Variants in SH3PXD2A observed in about 807,000 individuals in gnomAD.
SH3PXD2A encodes SH3 and PX domains 2A.
A neutral mutation model predicts 115.2 loss-of-function variants in SH3PXD2A; 32 were observed. That is an observed-to-expected ratio of 0.28 (90% CI 0.21 to 0.37). SH3PXD2A has a LOEUF of 0.37. SH3PXD2A is among the 10% of genes least tolerant of loss of function. The pLI is 1.00. For missense variants in SH3PXD2A, 1,328 were observed against 1,498.7 expected (o/e 0.89, Z 1.88); for synonymous variants, 610 against 629.1 (o/e 0.97, Z 0.45).
intron 3 of SH3PXD2A, among the ~76,000 whole-genome samples, chr10:103,758,061 C>A (rs2038662288): frequency 6.6e-6 from 1 of 152,210 alleles, no homozygotes. Context: ...GTCACCAAAC[C>A]ATGATCAACC....
At chr10:103,787,315 ACTCAGG>A (rs1313644719) in intron 2 of SH3PXD2A, among the ~76,000 whole-genome samples, 2 of 152,202 alleles carry the variant, frequency 1.3e-5, no homozygotes, top group Non-Finnish European at 2.9e-5. Flanking sequence ...CAACTGCCAG[ACTCAGG>A]CAGCAGCAGA....
intron 3 of SH3PXD2A, among the ~76,000 whole-genome samples, chr10:103,764,264 C>T (rs184157502): frequency 6.6e-6 from 1 of 152,266 alleles, no homozygotes; most frequent in African/African-American, 2.4e-5. Flanking sequence ...CAGAGCATAA[C>T]AGGGTTAAGG....
Position 103,601,588 on chromosome 10 carries a change from C to T in SH3PXD2A, c.*228G>A. ...CTCTGGGTCCCAGGCCTGGGACTCC[C>T]TGGTCCATTCCCTTCCTCACTCAGT... On this transcript the variant is annotated 3_prime_UTR_variant, in exon 15 of 15. Coordinates refer to ENST00000369774, the MANE Select transcript of SH3PXD2A (RefSeq NM_001394015.1). 4.2e-6 allele frequency: 2 copies of T among 474,854 alleles called. No homozygotes were observed. The highest frequency in any genetic ancestry group is 7.5e-6 in the Non-Finnish European group (2 of 266,224). 29.4% of individuals were successfully genotyped at this position (474,854 alleles called of 1,614,324 possible). A position where few individuals can be genotyped will look rare whatever the true frequency, so the allele number is the denominator to read the frequency against.
chr10:103,641,647 C>T (rs575997154), intron 8 of SH3PXD2A, among the ~76,000 whole-genome samples: 1 of 152,308 alleles, frequency 6.6e-6, no homozygotes, highest in African/African-American at 2.4e-5. Flanking sequence ...AGCCAAGAAA[C>T]CCAGTCCCTC....
chr10:103,694,043 A>AAT (rs1006268058), intron 5 of SH3PXD2A, among the ~76,000 whole-genome samples: 50 of 152,086 alleles, frequency 3.3e-4, no homozygotes, highest in African/African-American at 1.2e-3. Context: ...TCCATTCACC[A>AAT]ATCCTCAGGG....
chr10:103,704,090 G>A (rs2037952885), intron 5 of SH3PXD2A, among the ~76,000 whole-genome samples: 1 of 152,220 alleles, frequency 6.6e-6, no homozygotes, highest in African/African-American at 2.4e-5. Context: ...ACCTGCTCCA[G>A]CTCCACCTGC....
Position 103,678,176 on chromosome 10 carries a change from G to T in SH3PXD2A, c.428-9524C>A, listed in dbSNP as rs752143785. 2.3e-6 allele frequency: 3 copies of T among 1,288,496 alleles called. No individual in the cohort carries two copies. In the South Asian group the frequency reaches 3.7e-5, roughly 16 times the overall value. The allele number at this position is 1,288,496 out of a possible 1,614,324, so 79.8% of individuals were successfully genotyped here. On this transcript the variant is annotated intron_variant, in intron 6 of 14. Transcript: ENST00000369774. The stretch of plus-strand genomic sequence containing the variant: ...CATGTGTAATGTCTGGGGGGAGCAG[G>T]GCTTGGTGCAGCCTCCCATGGTGTT...
At chr10:103,833,556 A>G (rs2039502388) in intron 1 of SH3PXD2A, among the ~76,000 whole-genome samples, 1 of 152,194 alleles carries the variant, frequency 6.6e-6, no homozygotes, top group African/African-American at 2.4e-5. Context: ...GACAGTCTAA[A>G]TGTTCATTAA....
intron 3 of SH3PXD2A, among the ~76,000 whole-genome samples, chr10:103,758,681 A>T (rs371735942): frequency 2.0e-5 from 3 of 152,248 alleles, no homozygotes; most frequent in South Asian, 4.1e-4. Context: ...TCCAGATTAC[A>T]GAGTAGGAGA....
chr10:103,601,612 G>T lies in SH3PXD2A; in HGVS notation c.*204C>A. 1 of 536,506 alleles carries T rather than the reference G, an allele frequency of 1.9e-6. No homozygotes were observed. Among genetic ancestry groups the T allele is most frequent in the Non-Finnish European group, 3.3e-6 (1 of 300,854 alleles). 33.2% of individuals were successfully genotyped at this position (536,506 alleles called of 1,614,324 possible). On this transcript the variant is annotated 3_prime_UTR_variant, in exon 15 of 15. Transcript: ENST00000369774. ...CCTGGTCCATTCCCTTCCTCACTCA[G>T]TGTGGGCACCCCCATCCCCTACCTT...
At chr10:103,735,573 G>A (rs2038370019) in intron 4 of SH3PXD2A, among the ~76,000 whole-genome samples, 159 bp downstream of exon 4, 1 of 152,158 alleles carries the variant, frequency 6.6e-6, no homozygotes, top group African/African-American at 2.4e-5. Context: ...GCCCAGCTAC[G>A]GGGTGATCCC....
At chr10:103,734,779 A>T (rs886902037) in intron 4 of SH3PXD2A, among the ~76,000 whole-genome samples, 9 of 152,216 alleles carry the variant, frequency 5.9e-5, no homozygotes, top group Non-Finnish European at 7.3e-5. Context: ...AAAAATTTTT[A>T]AAAAATAAAG....
intron 11 of SH3PXD2A, among the ~76,000 whole-genome samples, chr10:103,616,246 G>A (rs1421732776): frequency 2.0e-5 from 3 of 152,154 alleles, no homozygotes; most frequent in East Asian, 1.9e-4. Context: ...CCCCTCTGTC[G>A]GAGACCACCT....
intron 13 of SH3PXD2A, among the ~76,000 whole-genome samples, chr10:103,606,536 G>T (rs1307774171): frequency 7.3e-6 from 1 of 137,564 alleles, no homozygotes; most frequent in Admixed American, 7.8e-5. Context: ...GGTCTCCCTC[G>T]GATGCCGAGC....
intron 9 of SH3PXD2A, 92 bp from the exon 10 acceptor site, chr10:103,622,645 G>T: frequency 1.4e-6 from 1 of 736,558 alleles, no homozygotes; most frequent in Non-Finnish European, 2.3e-6. Flanking sequence ...GTGGGAGGAA[G>T]GGGCACAGGG....
chr10:103,701,563 CT>C, intron 5 of SH3PXD2A, among the ~76,000 whole-genome samples: 1 of 148,382 alleles, frequency 6.7e-6, no homozygotes, highest in South Asian at 2.2e-4. Flanking sequence ...CATCCATCAT[CT>C]ATCCATTCAT....
chr10:103,748,370 T>C (rs1405288362), intron 3 of SH3PXD2A, among the ~76,000 whole-genome samples: 1 of 152,140 alleles, frequency 6.6e-6, no homozygotes, highest in Non-Finnish European at 1.5e-5. Flanking sequence ...TTCCTTCCTT[T>C]CCCTGAGCCC....
chr10:103,671,362 C>T (rs1385848625), intron 6 of SH3PXD2A, among the ~76,000 whole-genome samples: 14 of 152,226 alleles, frequency 9.2e-5, no homozygotes, highest in Admixed American at 3.3e-4. Flanking sequence ...GGGGGCCGGA[C>T]ATGGCCTGTG....
chr10:103,724,373 C>T lies in SH3PXD2A; in HGVS notation c.307-12G>A. ...AGCCGGACAAGTGCCTGTGGAGAGA[C>T]AGGAAGAAAGGGCATTAGGTGTGAT... On this transcript the variant is annotated splice_polypyrimidine_tract_variant and intron_variant, in intron 4 of 14. Coordinates refer to ENST00000369774, the MANE Select transcript of SH3PXD2A (RefSeq NM_001394015.1). The T allele has an allele frequency of 6.5e-7, 1 of 1,545,312 alleles. No homozygotes were observed. Among genetic ancestry groups the T allele is most frequent in the South Asian group, 1.2e-5 (1 of 84,122 alleles).
Sources: allele counts gnomAD v4.1 joint callset (sites outside exome capture counted in the v4.1 genomes callset), GRCh38; gene constraint gnomAD v4.1.1; transcripts MANE v1.5; gene names NCBI Gene and HGNC (gene_info 2026-07-23, HGNC 2026-07-21).